The following SNX29 variants were observed in gnomAD, a reference collection of about 807,000 sequenced individuals.
The protein encoded by SNX29 is sorting nexin 29, also known as sorting nexin-29.
A neutral mutation model predicts 102.1 loss-of-function variants in SNX29; 78 were observed. The observed-to-expected ratio is 0.76, with a 90% CI of 0.64 to 0.92. The LOEUF is 0.92. Ranked by LOEUF, SNX29 falls within the 40% of genes least tolerant of loss-of-function variation. SNX29 has a pLI of 0.00. For synonymous variants in SNX29, 580 were observed against 414.5 expected (o/e 1.40, Z -4.85); for missense variants, 1,280 against 1,061.7 (o/e 1.21, Z -2.86).
intron 13 of SNX29, among the ~76,000 whole-genome samples, chr16:12,182,895 C>G (rs1476090482): frequency 7.1e-6 from 1 of 140,748 alleles, no homozygotes; most frequent in Non-Finnish European, 1.5e-5. Flanking sequence ...GATTACACCA[C>G]TGCACTCCAG....
chr16:12,318,658 C>G (rs2080832834), intron 15 of SNX29, among the ~76,000 whole-genome samples: 2 of 152,036 alleles, frequency 1.3e-5, no homozygotes, highest in African/African-American at 4.8e-5. Context: ...GCTGCTTGTT[C>G]TTATGGCCCA....
chr16:12,274,162 CCT>C (rs1397353603), intron 14 of SNX29, among the ~76,000 whole-genome samples: 1 of 152,182 alleles, frequency 6.6e-6, no homozygotes, highest in Non-Finnish European at 1.5e-5. Flanking sequence ...CTTTATCCTG[CCT>C]CTCACGTGGC....
chr16:12,022,470 G>A (rs2057057597), intron 3 of SNX29, among the ~76,000 whole-genome samples: 2 of 151,868 alleles, frequency 1.3e-5, no homozygotes, highest in South Asian at 2.1e-4. Context: ...CAAAGTGTTG[G>A]GATTACAGGC....
chr16:12,181,436 A>G (rs1596449155), intron 13 of SNX29, among the ~76,000 whole-genome samples: 3 of 152,206 alleles, frequency 2.0e-5, no homozygotes, highest in Admixed American at 1.3e-4. Context: ...AAATAGTTGC[A>G]TTCTTTTGAG....
intron 2 of SNX29, among the ~76,000 whole-genome samples, chr16:12,002,698 A>G (rs1296524984): frequency 6.6e-6 from 1 of 152,230 alleles, no homozygotes; most frequent in Non-Finnish European, 1.5e-5. Flanking sequence ...CTTCCTGGAT[A>G]ATGCACAGAT....
rs2083798430 is a variant in SNX29, at chr16:12,398,430, C to G, written c.1900-16C>G. 4 of 1,613,966 alleles carry G rather than the reference C, an allele frequency of 2.5e-6. No homozygotes were observed. Among genetic ancestry groups the G allele is most frequent in the East Asian group, 2.2e-5 (1 of 44,890 alleles). On this transcript the variant is annotated splice_polypyrimidine_tract_variant and intron_variant, in intron 16 of 20. Transcript: ENST00000566228. ...TATGCATTTTTTCTCCCCTCTCCCC[C>G]TTCTCCTGATGGTAGGTGCCTGGAG... is the stretch of plus-strand genomic sequence containing the variant.
At chr16:12,042,504 A>G (rs991830528) in intron 4 of SNX29, among the ~76,000 whole-genome samples, 6 of 151,982 alleles carry the variant, frequency 3.9e-5, no homozygotes, top group Non-Finnish European at 7.4e-5. Flanking sequence ...AGCAGCCCCC[A>G]GTGTCTGTTG....
At chr16:12,185,455 C>T (rs962988299) in intron 13 of SNX29, among the ~76,000 whole-genome samples, 7 of 152,122 alleles carry the variant, frequency 4.6e-5, no homozygotes, top group Admixed American at 4.6e-4. Context: ...TCTTTCCCTC[C>T]CTCCTCTCTG....
chr16:12,339,385 A>AAAAAAAAAAAAAG, intron 15 of SNX29, among the ~76,000 whole-genome samples: 1 of 151,006 alleles, frequency 6.6e-6, no homozygotes, highest in African/African-American at 2.4e-5. Flanking sequence ...AAAAAAAAAA[A>AAAAAAAAAAAAAG]AAAAAAAAAG....
chr16:12,056,234 C>G (rs1251394319), intron 8 of SNX29, among the ~76,000 whole-genome samples: 1 of 152,174 alleles, frequency 6.6e-6, no homozygotes, highest in African/African-American at 2.4e-5. Context: ...CTTGCTGATG[C>G]CACTGAGTGT....
intron 16 of SNX29, among the ~76,000 whole-genome samples, chr16:12,371,498 G>A (rs995827221): frequency 2.0e-5 from 3 of 152,166 alleles, no homozygotes; most frequent in African/African-American, 7.2e-5. Flanking sequence ...TGTAGAGACA[G>A]GGTCTTTCTA....
chr16:12,486,208 C>T (rs1234909530), intron 19 of SNX29, among the ~76,000 whole-genome samples: 3 of 152,214 alleles, frequency 2.0e-5, no homozygotes, highest in South Asian at 2.1e-4. Flanking sequence ...GTTCTCAGAT[C>T]TTCCCCCGAT....
intron 20 of SNX29, among the ~76,000 whole-genome samples, chr16:12,558,275 T>G (rs974378832): frequency 6.6e-6 from 1 of 152,136 alleles, no homozygotes; most frequent in African/African-American, 2.4e-5. Context: ...AATGTCAGGC[T>G]GAGCCAGCTC....
intron 13 of SNX29, among the ~76,000 whole-genome samples, chr16:12,190,707 G>A (rs1596469200): frequency 6.6e-6 from 1 of 152,154 alleles, no homozygotes; most frequent in Admixed American, 6.5e-5. Flanking sequence ...GTGGAGGTCT[G>A]AGGCTGTATT....
At chr16:12,292,199 G>A (rs2079821284) in intron 15 of SNX29, among the ~76,000 whole-genome samples, 1 of 152,164 alleles carries the variant, frequency 6.6e-6, no homozygotes, top group African/African-American at 2.4e-5. Context: ...CAGGTGCGAA[G>A]GTTTGGCCAC....
At chr16:12,400,833 T>C (rs1049152113) in intron 17 of SNX29, among the ~76,000 whole-genome samples, 1 of 152,136 alleles carries the variant, frequency 6.6e-6, no homozygotes, top group African/African-American at 2.4e-5. Flanking sequence ...TATTTATTTA[T>C]TTATTTAGAG....
intron 15 of SNX29, among the ~76,000 whole-genome samples, chr16:12,311,639 A>G (rs1012658489): frequency 6.6e-6 from 1 of 152,228 alleles, no homozygotes; most frequent in Non-Finnish European, 1.5e-5. Context: ...GCCTAGATTC[A>G]TCTCCAACCC....
chr16:12,463,434 C>A (rs761785333), intron 18 of SNX29, among the ~76,000 whole-genome samples: 11 of 152,308 alleles, frequency 7.2e-5, no homozygotes, highest in East Asian at 1.9e-4. Flanking sequence ...GGAGGAGCAA[C>A]TCACATCTTA....
In SNX29 at chr16:12,146,308, C is replaced by G. The variant is rs780122601; in HGVS notation, c.1595+16550C>G. Among the ~76,000 whole-genome samples the G allele has an allele frequency of 6.6e-5, 10 of 152,036 alleles. No homozygotes were observed. In the East Asian group the frequency reaches 7.7e-4, roughly 12 times the overall value. ...GAAGGCAGAGTGTTTCCCTCTTGCCCAGGCTAGAGTGCAGTGGCACAATCT... is the reference window on the plus strand; with the variant it reads ...GAAGGCAGAGTGTTTCCCTCTTGCCGAGGCTAGAGTGCAGTGGCACAATCT... On this transcript the variant is annotated intron_variant, in intron 13 of 20. Transcript: ENST00000566228.
Sources: allele counts gnomAD v4.1 joint callset (sites outside exome capture counted in the v4.1 genomes callset), GRCh38; gene constraint gnomAD v4.1.1; transcripts MANE v1.5; gene names NCBI Gene and HGNC (gene_info 2026-07-23, HGNC 2026-07-21).